FCHSD2: variants seen among roughly 807,000 people sequenced by gnomAD.
FCHSD2 encodes the protein FCH and double SH3 domains 2, also known as F-BAR and double SH3 domains protein 2.
FCHSD2 carries 38 observed loss-of-function variants against 108.1 expected under a neutral mutation model. The observed-to-expected ratio is 0.35, with a 90% confidence interval of 0.27 to 0.46. FCHSD2 has a LOEUF of 0.46. Among genes scored for constraint, FCHSD2 ranks in the 20% least tolerant of loss-of-function variants. The pLI is 1.00. For synonymous variants in FCHSD2, 279 were observed against 314.7 expected, an observed-to-expected ratio of 0.89 and a Z score of 1.20; for missense variants, 751 against 897.8, an observed-to-expected ratio of 0.84 and a Z score of 2.09.
chr11:73,047,036 A>G (rs1858785112), intron 3 of FCHSD2, among the ~76,000 whole-genome samples: 2 of 152,324 alleles, frequency 1.3e-5, no homozygotes, highest in South Asian at 4.1e-4. Flanking sequence ...ATTTTTATCA[A>G]TGATAAAAAA....
intron 1 of FCHSD2, among the ~76,000 whole-genome samples, 157 bp downstream of exon 1, chr11:73,141,700 G>C (rs1330057420): frequency 6.6e-6 from 1 of 152,166 alleles, no homozygotes; most frequent in Non-Finnish European, 1.5e-5. Context: ...ACTCACACGC[G>C]CGCCCCCCAC....
In FCHSD2 at chr11:72,840,953, C is replaced by G. The variant is rs1455802756; in HGVS notation, c.2063G>C (p.Ser688Thr). The change falls in exon 19 of 20, where the codon AGC becomes ACC. Residue 688 changes from serine to threonine, a missense_variant. Ser to Thr is a moderately conservative substitution (Grantham distance 58). Transcript: ENST00000409418. ...GAATCCTGGTGACTCAGCATGAAGGCTTTTTTCTAAGGGAGAAAACCAAAG... is the reference window on the plus strand; with the variant it reads ...GAATCCTGGTGACTCAGCATGAAGGGTTTTTTCTAAGGGAGAAAACCAAAG... ...FPRSPSANEK[S>T]LHAESPGFSQ... 1 of 1,612,144 alleles carries G rather than the reference C, an allele frequency of 6.2e-7. No individual in the cohort carries two copies. The highest frequency in any genetic ancestry group is 1.3e-5 in the African/African-American group (1 of 74,860).
chr11:72,885,528 T>C (rs944258953), intron 12 of FCHSD2, among the ~76,000 whole-genome samples: 7 of 152,186 alleles, frequency 4.6e-5, no homozygotes, highest in African/African-American at 1.4e-4. Context: ...TGATACCTAC[T>C]ACTGCTACTA....
chr11:73,010,961 G>A (rs975725075), intron 4 of FCHSD2, among the ~76,000 whole-genome samples: 1 of 152,262 alleles, frequency 6.6e-6, no homozygotes, highest in African/African-American at 2.4e-5. Flanking sequence ...GTGTATGCTG[G>A]TGTTGGTGGT....
chr11:73,035,981 A>AG (rs1303338512), intron 3 of FCHSD2, among the ~76,000 whole-genome samples: 1 of 152,078 alleles, frequency 6.6e-6, no homozygotes, highest in Non-Finnish European at 1.5e-5. Flanking sequence ...AGCCTCCCAA[A>AG]GTGCTGGGAT....
At chr11:73,004,107 T>C (rs1591475172) in intron 4 of FCHSD2, among the ~76,000 whole-genome samples, 1 of 26,652 alleles carries the variant, frequency 3.8e-5, no homozygotes, top group African/African-American at 1.8e-4. Flanking sequence ...AGACTCCAAC[T>C]CCAAAAAAAA....
At chr11:72,976,848 T>C (rs1857113001) in intron 8 of FCHSD2, among the ~76,000 whole-genome samples, 1 of 152,024 alleles carries the variant, frequency 6.6e-6, no homozygotes, top group South Asian at 2.1e-4. Context: ...AGAATGAAAC[T>C]AGACCCCTAT....
chr11:73,065,857 CACAA>C (rs1441580884), intron 3 of FCHSD2, among the ~76,000 whole-genome samples: 1 of 152,046 alleles, frequency 6.6e-6, no homozygotes, highest in Non-Finnish European at 1.5e-5. Context: ...TAAGAGAGGA[CACAA>C]ACAAATGGAA....
At chr11:72,981,191 C>A (rs533296766) in intron 8 of FCHSD2, among the ~76,000 whole-genome samples, 4 of 152,198 alleles carry the variant, frequency 2.6e-5, no homozygotes, top group African/African-American at 9.6e-5. Flanking sequence ...TTTTAAGGGG[C>A]AGGAGGGACC....
At chr11:73,111,242 G>A (rs1860478161) in intron 2 of FCHSD2, among the ~76,000 whole-genome samples, 1 of 152,102 alleles carries the variant, frequency 6.6e-6, no homozygotes, top group Non-Finnish European at 1.5e-5. Context: ...CTGTTTGGAA[G>A]ATCCTATCTC....
chr11:73,092,389 C>G (rs536326793), intron 2 of FCHSD2, among the ~76,000 whole-genome samples: 19 of 152,088 alleles, frequency 1.2e-4, no homozygotes, highest in Admixed American at 7.2e-4. Flanking sequence ...ATTCTTCCAC[C>G]TCAGCCTCCC....
At chr11:73,036,367 T>C (rs1224354997) in intron 3 of FCHSD2, among the ~76,000 whole-genome samples, 5 of 151,572 alleles carry the variant, frequency 3.3e-5, no homozygotes, top group Admixed American at 2.6e-4. Context: ...TTTTGTACAA[T>C]ATTTCACAAC....
chr11:73,100,123 CAT>C (rs1159482188), intron 2 of FCHSD2, among the ~76,000 whole-genome samples: 1 of 152,186 alleles, frequency 6.6e-6, no homozygotes, highest in Non-Finnish European at 1.5e-5. Flanking sequence ...TCACTGGAAA[CAT>C]GTGCTGCCCC....
intron 3 of FCHSD2, among the ~76,000 whole-genome samples, chr11:73,056,702 A>G (rs1859033016): frequency 6.6e-6 from 1 of 152,202 alleles, no homozygotes; most frequent in Non-Finnish European, 1.5e-5. Flanking sequence ...ACAATAAGTC[A>G]TATGACAGAA....
At chr11:73,062,095 G>A (rs1021277634) in intron 3 of FCHSD2, among the ~76,000 whole-genome samples, 7 of 152,178 alleles carry the variant, frequency 4.6e-5, no homozygotes, top group Admixed American at 2.6e-4. Context: ...TGTCTGGGAC[G>A]AAGCTTTCAG....
chr11:73,054,861 G>T (rs768484224), intron 3 of FCHSD2, among the ~76,000 whole-genome samples: 5 of 152,138 alleles, frequency 3.3e-5, no homozygotes, highest in Non-Finnish European at 7.4e-5. Flanking sequence ...CTCAGCTACT[G>T]GGGAGGCAGA....
chr11:73,051,913 A>C (rs1027511771), intron 3 of FCHSD2, among the ~76,000 whole-genome samples: 4 of 117,836 alleles, frequency 3.4e-5, no homozygotes, highest in African/African-American at 1.4e-4. Context: ...ACACACACAC[A>C]CACCCCACAC....
Position 72,841,436 on chromosome 11 carries a change from G to T in FCHSD2, c.2056+18C>A. 6.2e-7 allele frequency: 1 copy of T among 1,605,842 alleles called. No individual in the cohort carries two copies. The highest frequency in any genetic ancestry group is 2.2e-5 in the East Asian group (1 of 44,544). ...GAAGTGAAAATGCATTTAGACCCAT[G>T]CCCAGGAGAACCCTTACCGTTTGCT... On this transcript the variant is annotated intron_variant, in intron 18 of 19. Transcript: ENST00000409418.
At chr11:73,100,895 G>A (rs1860209873) in intron 2 of FCHSD2, among the ~76,000 whole-genome samples, 1 of 150,786 alleles carries the variant, frequency 6.6e-6, no homozygotes, top group South Asian at 2.1e-4. Flanking sequence ...CTGTTTAGAG[G>A]TCCTTCTTGA....
Sources: allele counts gnomAD v4.1 joint callset (sites outside exome capture counted in the v4.1 genomes callset), GRCh38; gene constraint gnomAD v4.1.1; transcripts MANE v1.5; gene names NCBI Gene and HGNC (gene_info 2026-07-23, HGNC 2026-07-21).